RFTN2: variants seen among roughly 807,000 people sequenced by gnomAD.
The protein encoded by RFTN2 is raftlin family member 2.
Under a neutral mutation model 52.7 loss-of-function variants are expected in RFTN2, and 34 were observed. The ratio of observed to expected loss-of-function variants is 0.64; its 90% CI spans 0.49 to 0.86. The LOEUF is 0.86. Ranked by LOEUF, RFTN2 falls within the 40% of genes least tolerant of loss-of-function variation. The pLI is 0.00. For missense variants in RFTN2, 536 were observed against 600.1 expected (o/e 0.89, Z 1.12); for synonymous variants, 203 against 217.7 (o/e 0.93, Z 0.59).
Position 197,631,075 on chromosome 2 carries a change from A to C in RFTN2, c.864T>G (p.Thr288=). Residue 288 remains threonine (T), a synonymous_variant, in exon 5 of 9, where the codon ACT becomes ACG. Coordinates refer to ENST00000295049, the MANE Select transcript of RFTN2 (RefSeq NM_144629.3). ...ACAAGCCTTGTTTATAATAAAAGGT[A>C]GTTAACTCCAGCCAATCAGCATCAA... ...STLDADWLEL[T]TFYYKQGLSL... is the part of the protein sequence containing the mutation. 2 of 1,613,238 alleles carry C rather than the reference A, an allele frequency of 1.2e-6. No individual in the cohort carries two copies.
chr2:197,594,810 AC>A (rs2087771514), intron 8 of RFTN2, among the ~76,000 whole-genome samples: 4 of 152,088 alleles, frequency 2.6e-5, no homozygotes. Flanking sequence ...TTACCTACTG[AC>A]CCAGCCAGCC....
At chr2:197,646,756 G>T (rs574876467) in intron 1 of RFTN2, 90 bp from the exon 2 acceptor site, 1 of 1,057,380 alleles carries the variant, frequency 9.5e-7, no homozygotes. Context: ...CTAATGAATA[G>T]GAAAAGATCT....
chr2:197,618,014 A>C (rs2088174981), intron 5 of RFTN2, 93 bp from the exon 6 acceptor site: 1 of 1,019,106 alleles, frequency 9.8e-7, no homozygotes, highest in Admixed American at 3.0e-5. Flanking sequence ...TAGGAAACTG[A>C]AGGAAAAACA....
intron 8 of RFTN2, among the ~76,000 whole-genome samples, chr2:197,582,031 A>T (rs1192983194): frequency 6.6e-6 from 1 of 152,206 alleles, no homozygotes; most frequent in African/African-American, 2.4e-5. Context: ...AGGGCTGTGC[A>T]GTTGGAATTC....
chr2:197,624,617 A>G (rs2088323702), intron 5 of RFTN2, among the ~76,000 whole-genome samples: 2 of 149,152 alleles, frequency 1.3e-5, no homozygotes, highest in Non-Finnish European at 3.0e-5. Context: ...AAAAAAAAAA[A>G]AAAAGAAAGA....
intron 8 of RFTN2, among the ~76,000 whole-genome samples, chr2:197,589,654 A>G (rs1427768760): frequency 2.6e-5 from 4 of 152,338 alleles, no homozygotes; most frequent in Middle Eastern, 3.4e-3. Flanking sequence ...TCATTTACAT[A>G]TCCTCATTGG....
intron 8 of RFTN2, among the ~76,000 whole-genome samples, chr2:197,588,416 A>G (rs952584241): frequency 3.9e-5 from 6 of 152,198 alleles, no homozygotes; most frequent in African/African-American, 7.2e-5. Context: ...TGGGGTCCCA[A>G]GTTGCCCCAG....
chr2:197,652,810 A>T (rs567630085), intron 1 of RFTN2, among the ~76,000 whole-genome samples: 1 of 152,326 alleles, frequency 6.6e-6, no homozygotes, highest in Admixed American at 6.5e-5. Context: ...TCTAACAGGG[A>T]TAAAGTCTAA....
intron 7 of RFTN2, among the ~76,000 whole-genome samples, chr2:197,614,230 T>G (rs1435832189): frequency 2.6e-5 from 4 of 152,228 alleles, no homozygotes; most frequent in Non-Finnish European, 5.9e-5. Context: ...TATTTTTATT[T>G]ATTGATTGAC....
intron 1 of RFTN2, among the ~76,000 whole-genome samples, chr2:197,673,243 G>C (rs1043564359): frequency 4.6e-5 from 7 of 152,116 alleles, no homozygotes; most frequent in Non-Finnish European, 1.0e-4. Flanking sequence ...ACCCAGGACA[G>C]AATTACCGGT....
chr2:197,623,208 C>A (rs973361469), intron 5 of RFTN2, among the ~76,000 whole-genome samples: 1 of 152,164 alleles, frequency 6.6e-6, no homozygotes, highest in Admixed American at 6.5e-5. Flanking sequence ...ATTCTAGATG[C>A]CATTAAGAAC....
At chr2:197,576,996 T>A (rs1418680483) in intron 8 of RFTN2, among the ~76,000 whole-genome samples, 1 of 152,232 alleles carries the variant, frequency 6.6e-6, no homozygotes, top group Non-Finnish European at 1.5e-5. Context: ...TAAATGGATA[T>A]CTGATTGCCT....
chr2:197,670,414 A>G (rs2089128642), intron 1 of RFTN2, among the ~76,000 whole-genome samples: 1 of 152,230 alleles, frequency 6.6e-6, no homozygotes, highest in Non-Finnish European at 1.5e-5. Context: ...TTAGCTAAGT[A>G]GATAATGCCA....
In RFTN2 at chr2:197,605,764, C is replaced by G. The variant is rs2087952149; in HGVS notation, c.1155-9695G>C. Among the ~76,000 whole-genome samples, 3 of 152,158 alleles carry G rather than the reference C, an allele frequency of 2.0e-5. No individual in the cohort carries two copies. In the South Asian group the frequency reaches 6.2e-4, roughly 32 times the overall value. On this transcript the variant is annotated intron_variant, in intron 7 of 8. Transcript: ENST00000295049. ...CTTATTGCAGCGTTCCAGGCAGCCA[C>G]TACCAACAGATTAGTGCTGGTATCT...
chr2:197,601,882 A>C (rs1439137218), intron 7 of RFTN2, among the ~76,000 whole-genome samples: 9 of 152,188 alleles, frequency 5.9e-5, no homozygotes. Context: ...AGACAGGAGC[A>C]AGTTCATGAT....
chr2:197,652,569 A>G (rs2088840241), intron 1 of RFTN2, among the ~76,000 whole-genome samples: 1 of 152,218 alleles, frequency 6.6e-6, no homozygotes, highest in African/African-American at 2.4e-5. Flanking sequence ...TAAAATGTCT[A>G]AAAGAGCTTT....
Position 197,574,484 on chromosome 2 carries a change from T to C in RFTN2, c.1234-2204A>G, listed in dbSNP as rs573061013. On this transcript the variant is annotated intron_variant, in intron 8 of 8. Coordinates refer to ENST00000295049, the MANE Select transcript of RFTN2 (RefSeq NM_144629.3). ...TGTATCTAGGAAGTAACTAACCTGC[T>C]TTTGATTTTACAGGGTCATAGGCAG... is the stretch of plus-strand genomic sequence containing the variant. Among the ~76,000 whole-genome samples, 16 of 152,332 alleles carry C rather than the reference T, an allele frequency of 1.1e-4. No homozygotes were observed. The South Asian group carries it at 2.9e-3, about 28-fold the overall frequency.
chr2:197,584,225 C>A (rs1029735154), intron 8 of RFTN2, among the ~76,000 whole-genome samples: 8 of 152,154 alleles, frequency 5.3e-5, no homozygotes, highest in Non-Finnish European at 1.0e-4. Context: ...ATGGTTGAAC[C>A]AGTTTACAGT....
chr2:197,611,950 A>G lies in RFTN2; in HGVS notation c.1154+3926T>C, dbSNP rs184720931. On this transcript the variant is annotated intron_variant, in intron 7 of 8. Transcript: ENST00000295049. Reference sequence around the variant, plus strand: ...AGTGAGTTTCTTAATCCTGAGTTCTAATTTGATTGCACTGTGGTCTGAGAG... The same window carrying G: ...AGTGAGTTTCTTAATCCTGAGTTCTGATTTGATTGCACTGTGGTCTGAGAG... 2.3e-3 allele frequency among the ~76,000 whole-genome samples: 353 copies of G among 152,226 alleles called. 1 individual carries two copies. Among genetic ancestry groups the G allele is most frequent in the African/African-American group, 8.1e-3 (336 of 41,544 alleles).
Sources: gnomAD v4.1 joint callset for allele counts (sites outside exome capture counted in the v4.1 genomes callset) on GRCh38, gnomAD v4.1.1 for gene constraint, MANE v1.5 for transcripts, NCBI Gene and HGNC (gene_info 2026-07-23, HGNC 2026-07-21) for gene names.